LFNG: variants seen among roughly 807,000 people sequenced by gnomAD.
The protein encoded by LFNG is LFNG O-fucosylpeptide 3-beta-N-acetylglucosaminyltransferase, also known as beta-1,3-N-acetylglucosaminyltransferase lunatic fringe.
LFNG carries 15 observed loss-of-function variants against 32.7 expected under a neutral mutation model. The observed-to-expected ratio is 0.46, with a 90% CI of 0.31 to 0.71. LFNG has a LOEUF of 0.71. Ranked by LOEUF, LFNG falls within the 30% of genes least tolerant of loss-of-function variation. The pLI is 0.06. For synonymous variants in LFNG, 274 were observed against 246.8 expected (o/e 1.11, Z -1.03); for missense variants, 520 against 545.7 (o/e 0.95, Z 0.47).
In LFNG at chr7:2,526,172, G is replaced by A; in HGVS notation, c.822-72G>A. On this transcript the variant is annotated intron_variant, in intron 5 of 7. Coordinates refer to ENST00000222725, the MANE Select transcript of LFNG (RefSeq NM_001040167.2). This position sits in a 1 kb window ranked among gnomAD's most constrained non-coding sequence, Gnocchi z 6.9. ...CCTGAGGAGTGCAGCGCCTTTGCCT[G>A]GTGGGGCCTCCCCAGCTCCCAGCAG... The A allele has an allele frequency of 1.9e-6, 3 of 1,558,354 alleles. No individual in the cohort carries two copies. Among genetic ancestry groups the A allele is most frequent in the Non-Finnish European group, 2.6e-6 (3 of 1,138,508 alleles).
At chr7:2,525,135 C>T in intron 2 of LFNG, 84 bp from the exon 3 acceptor site, 2 of 1,218,030 alleles carry the variant, frequency 1.6e-6, no homozygotes, top group South Asian at 1.3e-5. Context: ...TTTCTCGAGC[C>T]CCTGGGCCCT....
In LFNG at chr7:2,525,581, C is replaced by T. The variant is rs1303048387; in HGVS notation, c.735+14C>T. The T allele has an allele frequency of 2.5e-6, 4 of 1,612,086 alleles. No individual in the cohort carries two copies. In the South Asian group the frequency reaches 4.4e-5, roughly 18 times the overall value. ...GAGAACAAGGTGGTGAGTGCCTGCCCCTCCCAGTCCCCCACGCCCACGCGG... is the reference window on the plus strand; with the variant it reads ...GAGAACAAGGTGGTGAGTGCCTGCCTCTCCCAGTCCCCCACGCCCACGCGG... On this transcript the variant is annotated intron_variant, in intron 4 of 7. Transcript: ENST00000222725.
upstream of LFNG, among the ~76,000 whole-genome samples, chr7:2,515,328 C>T (rs1288763419): frequency 6.7e-6 from 1 of 149,752 alleles, no homozygotes; most frequent in Non-Finnish European, 1.5e-5. Context: ...TACTGAGCAC[C>T]TACTTTGTGC....
rs1386347922 is a variant in LFNG, at chr7:2,523,323, G to A, written c.433-1372G>A. Reference sequence around the variant, plus strand: ...GGAGGGGTGCATGCATGGAGAGGCGGAGACCCAGCCTGCCACCCCCTTAGC... The same window carrying A: ...GGAGGGGTGCATGCATGGAGAGGCGAAGACCCAGCCTGCCACCCCCTTAGC... On this transcript the variant is annotated intron_variant, in intron 1 of 7. Coordinates refer to ENST00000222725, the MANE Select transcript of LFNG (RefSeq NM_001040167.2). Among the ~76,000 whole-genome samples, 4 of 152,068 alleles carry A rather than the reference G, an allele frequency of 2.6e-5. No individual in the cohort carries two copies. The South Asian group carries it at 6.2e-4, about 24-fold the overall frequency.
intron 1 of LFNG, 36 bp from the exon 2 acceptor site, chr7:2,524,659 A>G: frequency 6.4e-7 from 1 of 1,562,580 alleles, no homozygotes; most frequent in Non-Finnish European, 8.7e-7. Context: ...GTGGGGATGA[A>G]GGGCTGCCTG....
intron 1 of LFNG, among the ~76,000 whole-genome samples, chr7:2,522,553 C>T (rs1270296573): frequency 1.3e-5 from 2 of 148,806 alleles, no homozygotes; most frequent in African/African-American, 2.4e-5. Context: ...AACAATGCTG[C>T]TTCCTGTGGG....
chr7:2,513,453 G>A (rs978300583), upstream of LFNG: 22 of 1,119,914 alleles, frequency 2.0e-5, no homozygotes, highest in African/African-American at 7.9e-5. Context: ...CCATGGTAGC[G>A]ATGGGGAGCC....
At chr7:2,517,843 C>G, upstream of LFNG, 1 of 1,228,798 alleles carries the variant, frequency 8.1e-7, no homozygotes, top group Non-Finnish European at 1.0e-6. Flanking sequence ...GGGACTTTAA[C>G]TCAGCCAGTG....
At position 2,527,454 on chromosome 7, in the gene LFNG, C is replaced by T; in HGVS notation, c.*242C>T. 1 of 1,418,984 alleles carries T rather than the reference C, an allele frequency of 7.0e-7. No individual in the cohort carries two copies. Among genetic ancestry groups the T allele is most frequent in the South Asian group, 1.5e-5 (1 of 68,034 alleles). The allele number at this position is 1,418,984 out of a possible 1,614,324, so 87.9% of individuals were successfully genotyped here. The stretch of plus-strand genomic sequence containing the variant: ...TGCCTCTGCTCCGAGGGCCAGTGGG[C>T]TGCAGGGCCTGCTTGGAGGAAGGAT... On this transcript the variant is annotated 3_prime_UTR_variant, in exon 8 of 8. Coordinates refer to ENST00000222725, the MANE Select transcript of LFNG (RefSeq NM_001040167.2). The surrounding 1 kb of genome is among the most constrained non-coding windows in gnomAD (Gnocchi z 4.4).
chr7:2,522,339 T>TGGAG (rs1779815251), intron 1 of LFNG, among the ~76,000 whole-genome samples: 1 of 152,150 alleles, frequency 6.6e-6, no homozygotes, highest in Non-Finnish European at 1.5e-5. Flanking sequence ...TTCTAGCAAC[T>TGGAG]GGAGTGGTGG....
At position 2,527,607 on chromosome 7, in the gene LFNG, G is replaced by A; in HGVS notation, c.*395G>A. The stretch of plus-strand genomic sequence containing the variant: ...GCCTTTCTCTTCCTGCTGACCACAA[G>A]CTCTGTGCTGGGGGTACCTGTGCCC... On this transcript the variant is annotated 3_prime_UTR_variant, in exon 8 of 8. Transcript: ENST00000222725. This position sits in a 1 kb window ranked among gnomAD's most constrained non-coding sequence, Gnocchi z 4.4. The A allele has an allele frequency of 8.4e-7, 1 of 1,187,704 alleles. No individual in the cohort carries two copies. The highest frequency in any genetic ancestry group is 1.1e-6 in the Non-Finnish European group (1 of 943,220). 73.6% of individuals were successfully genotyped at this position (1,187,704 alleles called of 1,614,324 possible). A position where few individuals can be genotyped will look rare whatever the true frequency, so the allele number is the denominator to read the frequency against.
intron 1 of LFNG, among the ~76,000 whole-genome samples, chr7:2,523,208 C>T (rs890313788): frequency 6.6e-6 from 1 of 152,218 alleles, no homozygotes; most frequent in African/African-American, 2.4e-5. Context: ...CCGCCTCCCA[C>T]GGCATTCCTG....
chr7:2,512,559 C>A, exon 1 of LFNG: 2 of 1,103,346 alleles, frequency 1.8e-6, no homozygotes, highest in Non-Finnish European at 2.8e-6. Context: ...CAGAGCCTCC[C>A]AAGGAAGGGA....
Position 2,520,362 on chromosome 7 carries a change from C to A in LFNG, c.432+69C>A. On this transcript the variant is annotated intron_variant, in intron 1 of 7. Transcript: ENST00000222725. The surrounding 1 kb of genome is among the most constrained non-coding windows in gnomAD (Gnocchi z 5.0). ...ACCCACCATCTGGTCCAGCTGGTGG[C>A]AGTGTCCCATGGGAGTCAGGCTGCA... 1 of 1,403,860 alleles carries A rather than the reference C, an allele frequency of 7.1e-7. No homozygotes were observed. The highest frequency in any genetic ancestry group is 9.9e-7 in the Non-Finnish European group (1 of 1,013,894). 87.0% of individuals were successfully genotyped at this position (1,403,860 alleles called of 1,614,324 possible). A position where few individuals can be genotyped will look rare whatever the true frequency, so the allele number is the denominator to read the frequency against.
chr7:2,523,680 C>T (rs1256011821), intron 1 of LFNG: 2 of 152,190 alleles, frequency 1.3e-5, no homozygotes, highest in Non-Finnish European at 2.9e-5. Context: ...GCAGAGCGCT[C>T]CTGGCAGGGG....
upstream of LFNG, among the ~76,000 whole-genome samples, chr7:2,513,489 A>G (rs146431231): frequency 5.9e-5 from 9 of 152,304 alleles, no homozygotes; most frequent in Admixed American, 6.5e-5. Flanking sequence ...ACACAAGCCC[A>G]GGATCACATA....
chr7:2,519,788 C>G lies in LFNG; in HGVS notation c.-74C>G, dbSNP rs532218283. ...GGTGCTGCGCTGCTGGACTGCGCCG[C>G]CGGAGCGACGGGCTTCGGGTCGGTG... is the stretch of plus-strand genomic sequence containing the variant. On this transcript the variant is annotated 5_prime_UTR_variant, in exon 1 of 8. Transcript: ENST00000222725. The G allele has an allele frequency of 2.2e-3, 2,006 of 900,606 alleles. 32 individuals are homozygous for G. In the African/African-American group the frequency reaches 0.034, roughly 15 times the overall value. The allele number at this position is 900,606 out of a possible 1,614,324, so 55.8% of individuals were successfully genotyped here.
chr7:2,516,992 G>C (rs1779642561), upstream of LFNG, among the ~76,000 whole-genome samples: 1 of 152,060 alleles, frequency 6.6e-6, no homozygotes, highest in Non-Finnish European at 1.5e-5. Flanking sequence ...GCCCCAAGAG[G>C]CTTCACTGGC....
At position 2,525,093 on chromosome 7, in the gene LFNG, C is replaced by T. The variant is rs578135180; in HGVS notation, c.482-126C>T. 78 of 864,854 alleles carry T rather than the reference C, an allele frequency of 9.0e-5. 1 individual carries two copies. The Middle Eastern group carries it at 1.0e-3, about 11-fold the overall frequency. 53.6% of individuals were successfully genotyped at this position (864,854 alleles called of 1,614,324 possible). A position where few individuals can be genotyped will look rare whatever the true frequency, so the allele number is the denominator to read the frequency against. On this transcript the variant is annotated intron_variant, in intron 2 of 7. Transcript: ENST00000222725. ...CCCCGAGCTAGGGTGGGGGAGGCTA[C>T]GGCCGCCGGGCCCAGCTTGAACTAG...
Sources: allele counts gnomAD v4.1 joint callset (sites outside exome capture counted in the v4.1 genomes callset), GRCh38; gene constraint gnomAD v4.1.1; non-coding constraint Gnocchi (gnomAD v3.1); transcripts MANE v1.5; gene names NCBI Gene and HGNC (gene_info 2026-07-23, HGNC 2026-07-21).